The following ADCY7 variants were observed in gnomAD, a reference collection of about 807,000 sequenced individuals.
ADCY7 encodes the protein adenylate cyclase 7.
In ADCY7, 72 loss-of-function variants were observed where a neutral mutation model predicts 120.6. The ratio of observed to expected loss-of-function variants is 0.60; its 90% CI spans 0.49 to 0.73. The LOEUF (loss-of-function observed/expected upper bound fraction) is 0.73. Ranked by LOEUF, ADCY7 falls within the 30% of genes least tolerant of loss-of-function variation. The probability of loss-of-function intolerance (pLI) is 0.00; values close to 1 mark genes in which losing one functional copy is unlikely to be tolerated. For synonymous variants in ADCY7, 661 were observed against 628.0 expected, an observed-to-expected ratio of 1.05 and a Z score of -0.78; for missense variants, 1,227 against 1,486.0, an observed-to-expected ratio of 0.83 and a Z score of 2.87.
intron 22 of ADCY7, chr16:50,313,246 G>A (rs1799723484): frequency 1.2e-5 from 6 of 508,312 alleles, no homozygotes; most frequent in South Asian, 2.2e-5. Flanking sequence ...GCGAAACCCT[G>A]TCTCTACTGA....
chr16:50,254,537 C>T (rs567202927), intron 1 of ADCY7, among the ~76,000 whole-genome samples: 35 of 152,008 alleles, frequency 2.3e-4, no homozygotes, highest in Middle Eastern at 6.8e-3. Flanking sequence ...AATAGCCACG[C>T]GAAAAAATAC....
chr16:50,293,569 C>G (rs758525092), intron 6 of ADCY7, 67 bp downstream of exon 6: 8 of 1,555,768 alleles, frequency 5.1e-6, no homozygotes, highest in Non-Finnish European at 7.0e-6. Context: ...GGCCCCCAGG[C>G]GGCCTCCCCG....
At chr16:50,314,492 T>G in intron 24 of ADCY7, 86 bp downstream of exon 24, 1 of 993,938 alleles carries the variant, frequency 1.0e-6, no homozygotes, top group South Asian at 1.4e-5. Flanking sequence ...CACCTCGCCA[T>G]CTATTATGAA....
intron 1 of ADCY7, among the ~76,000 whole-genome samples, chr16:50,251,081 GA>G (rs1171339576): frequency 1.3e-5 from 2 of 148,526 alleles, no homozygotes; most frequent in African/African-American, 2.5e-5. Context: ...CCCAAAAAAA[GA>G]AAAAAAAAAT....
At chr16:50,306,536 C>T (rs1246370544) in intron 14 of ADCY7, among the ~76,000 whole-genome samples, 1 of 125,794 alleles carries the variant, frequency 7.9e-6, no homozygotes, top group African/African-American at 3.2e-5. Flanking sequence ...AGGAACCCTT[C>T]TGGGGCTGTG....
At position 50,292,687 on chromosome 16, in the gene ADCY7, C is replaced by A. The variant is rs775186888; in HGVS notation, c.549C>A (p.Asn183Lys). The A allele has an allele frequency of 6.2e-7, 1 of 1,613,718 alleles. No homozygotes were observed. Among genetic ancestry groups the A allele is most frequent in the African/African-American group, 1.3e-5 (1 of 74,926 alleles). Residue 183 changes from asparagine (N) to lysine (K), a missense_variant, in exon 5 of 26, where the codon AAC becomes AAA. By Grantham distance (94) the Asn-to-Lys change is moderately conservative (BLOSUM62 0). Coordinates refer to ENST00000673801, the MANE Select transcript of ADCY7 (RefSeq NM_001114.5). ...SVRVGLQLLA[N>K]AVIFLCGNLT... ...CTGTCTACCCGCAGCTGCTGGCCAA[C>A]GCAGTCATCTTCCTGTGTGGGAACC...
rs2035999259 is a variant in ADCY7, at chr16:50,305,513, C to T, written c.1606C>T (p.Pro536Ser). 6.2e-7 allele frequency: 1 copy of T among 1,612,726 alleles called. No homozygotes were observed. The highest frequency in any genetic ancestry group is 8.5e-7 in the Non-Finnish European group (1 of 1,179,368). Residue 536 changes from proline (P) to serine (S), a missense_variant, in exon 13 of 26, where the codon CCC becomes TCC. Coordinates refer to ENST00000673801, the MANE Select transcript of ADCY7 (RefSeq NM_001114.5). ...GGTATCTGATTCCAGAAGCATGTCCCCCAAGGGGCGGTCGGAGGATGACTC... is the reference window on the plus strand; with the variant it reads ...GGTATCTGATTCCAGAAGCATGTCCTCCAAGGGGCGGTCGGAGGATGACTC... ...HRRTPDRSMS[P>S]KGRSEDDSYD...
chr16:50,245,264 C>T (rs1467885194), upstream of ADCY7, among the ~76,000 whole-genome samples: 1 of 152,178 alleles, frequency 6.6e-6, no homozygotes, highest in East Asian at 1.9e-4. Flanking sequence ...CCTTGGGGGT[C>T]GGACCTGAGA....
intron 19 of ADCY7, among the ~76,000 whole-genome samples, 198 bp downstream of exon 19, chr16:50,311,078 C>T (rs865808186): frequency 1.2e-4 from 18 of 152,122 alleles, no homozygotes; most frequent in Non-Finnish European, 2.4e-4. Flanking sequence ...CAGAGGCCAC[C>T]GGGTCATCCT....
intron 24 of ADCY7, 125 bp from the exon 25 acceptor site, chr16:50,314,889 C>T (rs1210708373): frequency 2.2e-6 from 3 of 1,371,526 alleles, no homozygotes; most frequent in Non-Finnish European, 3.0e-6. Flanking sequence ...GGAAGCAACC[C>T]AGCCTTCACT....
chr16:50,292,156 G>A lies in ADCY7; in HGVS notation c.537+259G>A, dbSNP rs150102877. Among the ~76,000 whole-genome samples the A allele has an allele frequency of 2.3e-4, 35 of 152,348 alleles. 3 individuals carry two copies. Among genetic ancestry groups the A allele is most frequent in the African/African-American group, 8.2e-4 (34 of 41,584 alleles). The stretch of plus-strand genomic sequence containing the variant: ...GTCGTGACCTCAGGCCTTGCCTCCC[G>A]GTTCAGGGACACTGTCGTGGGGTGA... On this transcript the variant is annotated intron_variant, in intron 4 of 25. Transcript: ENST00000673801.
chr16:50,281,906 A>G (rs1056971894), intron 1 of ADCY7, among the ~76,000 whole-genome samples: 2 of 152,224 alleles, frequency 1.3e-5, no homozygotes, highest in African/African-American at 4.8e-5. Context: ...GGCAAATGAA[A>G]AATCTGCCTG....
intron 3 of ADCY7, 25 bp from the exon 4 acceptor site, chr16:50,291,711 C>CG (rs780177060): frequency 6.2e-7 from 1 of 1,613,346 alleles, no homozygotes; most frequent in African/African-American, 1.3e-5. Flanking sequence ...CTTGGGGCAC[C>CG]GGGCTCACCA....
intron 23 of ADCY7, 74 bp from the exon 24 acceptor site, chr16:50,314,218 G>A: frequency 1.3e-6 from 2 of 1,484,634 alleles, no homozygotes; most frequent in Non-Finnish European, 1.9e-6. Context: ...TCCTCAACAA[G>A]AGTGGCGCGC....
chr16:50,315,389 G>A lies in ADCY7; in HGVS notation c.3127G>A (p.Gly1043Ser). The change falls in exon 26 of 26, where the codon GGC becomes AGC. Residue 1043 changes from glycine to serine, a missense_variant. By Grantham distance (56) the Gly-to-Ser change is moderately conservative. Around this residue, in one of 5 missense-constraint regions of ADCY7, gnomAD observed 244 missense variants for 332.8 expected, o/e 0.73. Transcript: ENST00000673801. ...CGAGGAGACCTGCACCATCCTCCAG[G>A]GCCTCGGGTACTCTTGTGAATGCCG... ...VTEETCTILQ[G>S]LGYSCECRGL... The A allele has an allele frequency of 6.2e-7, 1 of 1,613,380 alleles. No individual in the cohort carries two copies. The highest frequency in any genetic ancestry group is 8.5e-7 in the Non-Finnish European group (1 of 1,179,376).
chr16:50,303,480 T>C (rs966944424), intron 10 of ADCY7, among the ~76,000 whole-genome samples: 5 of 152,136 alleles, frequency 3.3e-5, no homozygotes, highest in African/African-American at 1.2e-4. Context: ...AAGGAGAGAC[T>C]CAGCAGACCT....
chr16:50,291,033 G>A (rs1003831107), intron 3 of ADCY7, among the ~76,000 whole-genome samples: 9 of 152,174 alleles, frequency 5.9e-5, no homozygotes, highest in African/African-American at 1.7e-4. Flanking sequence ...CTGTCCCCAG[G>A]TGGGGGCAGA....
At chr16:50,250,739 C>G (rs1399530871) in intron 1 of ADCY7, among the ~76,000 whole-genome samples, 1 of 152,074 alleles carries the variant, frequency 6.6e-6, no homozygotes, top group Non-Finnish European at 1.5e-5. Context: ...AGTATTGTAT[C>G]AACATTAAAT....
At position 50,312,019 on chromosome 16, in the gene ADCY7, G is replaced by A. The variant is rs1361885738; in HGVS notation, c.2449-17G>A. On this transcript the variant is annotated splice_polypyrimidine_tract_variant and intron_variant, in intron 20 of 25. Transcript: ENST00000673801. ...ACTTGCCTGTGGACGGGGCGCTTAT[G>A]TTGCTGCCGTTTGCAGATTGACTAT... is the stretch of plus-strand genomic sequence containing the variant. 7 of 1,613,644 alleles carry A rather than the reference G, an allele frequency of 4.3e-6. No homozygotes were observed. The African/African-American group carries it at 9.3e-5, about 22-fold the overall frequency.
Sources: allele counts gnomAD v4.1 joint callset (sites outside exome capture counted in the v4.1 genomes callset), GRCh38; gene constraint gnomAD v4.1.1; regional missense constraint gnomAD v4.1.1; transcripts MANE v1.5; gene names NCBI Gene and HGNC (gene_info 2026-07-23, HGNC 2026-07-21).